The following XIRP2 variants were observed in gnomAD, a reference collection of about 807,000 sequenced individuals.
XIRP2 encodes the protein xin actin binding repeat containing 2, also known as xin actin-binding repeat-containing protein 2.
In XIRP2, 236 loss-of-function variants were observed where a neutral mutation model predicts 277.0. The observed-to-expected ratio is 0.85, with a 90% confidence interval of 0.77 to 0.95. The LOEUF (loss-of-function observed/expected upper bound fraction) is 0.95, where lower values mean the gene tolerates loss of function less well. XIRP2 is among the 40% of genes least tolerant of loss of function. The probability of loss-of-function intolerance (pLI) is 0.00; values close to 1 mark genes in which losing one functional copy is unlikely to be tolerated. For missense variants in XIRP2, 4,640 were observed against 4,157.5 expected, an observed-to-expected ratio of 1.12 and a Z score of -3.19; for synonymous variants, 1,490 against 1,416.5, an observed-to-expected ratio of 1.05 and a Z score of -1.17.
intron 3 of XIRP2, among the ~76,000 whole-genome samples, chr2:167,201,245 A>AAGGAGGGAGGGAGG (rs1559018335): frequency 9.6e-6 from 1 of 103,718 alleles, no homozygotes; most frequent in African/African-American, 6.1e-5. Flanking sequence ...AAAGAAAGAA[A>AAGGAGGGAGGGAGG]GAAAGAAAGA....
intron 2 of XIRP2, among the ~76,000 whole-genome samples, chr2:167,044,402 AGCATTG>A (rs926486140): frequency 2.6e-5 from 4 of 152,112 alleles, no homozygotes; most frequent in African/African-American, 9.7e-5. Context: ...TATTAAACAT[AGCATTG>A]GCAGTCCTCA....
At chr2:167,195,713 G>T (rs1367447038) in intron 3 of XIRP2, among the ~76,000 whole-genome samples, 1 of 152,166 alleles carries the variant, frequency 6.6e-6, no homozygotes, top group East Asian at 1.9e-4. Flanking sequence ...GTGAAATGGC[G>T]CAATGCACCA....
At chr2:167,140,082 C>T (rs1176630560) in intron 3 of XIRP2, among the ~76,000 whole-genome samples, 2 of 152,106 alleles carry the variant, frequency 1.3e-5, no homozygotes, top group East Asian at 3.9e-4. Context: ...AGGCAAATAG[C>T]AATAATTCAC....
chr2:167,186,163 C>G (rs1471102010), intron 3 of XIRP2, among the ~76,000 whole-genome samples: 2 of 152,132 alleles, frequency 1.3e-5, no homozygotes, highest in Non-Finnish European at 2.9e-5. Context: ...TGCTTAATAG[C>G]TATCATACTC....
rs372322437 is a variant in XIRP2, at chr2:167,247,822, C to A, written c.6430C>A (p.Pro2144Thr). 2.7e-5 allele frequency: 43 copies of A among 1,613,326 alleles called. No individual in the cohort carries two copies. The South Asian group carries it at 2.7e-4, about 10-fold the overall frequency. The change falls in exon 9 of 11, where the codon CCT becomes ACT. Residue 2144 changes from proline (P) to threonine (T), a missense_variant. Transcript: ENST00000409195. ...AATGGAGGGTTTTCATATAAAGAGT[C>A]CTAAAAAGACCAAAAATATTAAAAT... ...QKMEGFHIKS[P>T]KKTKNIKILT...
intron 2 of XIRP2, among the ~76,000 whole-genome samples, chr2:167,040,481 C>T (rs965593294): frequency 1.3e-5 from 2 of 152,068 alleles, no homozygotes; most frequent in African/African-American, 4.8e-5. Context: ...GCAGGAGACC[C>T]CACAATGCCC....
At position 167,259,631 on chromosome 2, in the gene XIRP2, T is replaced by C. The variant is rs563654308; in HGVS notation, c.*1814T>C. On this transcript the variant is annotated 3_prime_UTR_variant, in exon 11 of 11. Coordinates refer to ENST00000409195, the MANE Select transcript of XIRP2 (RefSeq NM_152381.6). ...ATTCAAATGGCACTTTAGCATATTGTTCTGTTTTCCTGTAAAACATCATGG... is the reference window on the plus strand; with the variant it reads ...ATTCAAATGGCACTTTAGCATATTGCTCTGTTTTCCTGTAAAACATCATGG... The C allele has an allele frequency of 9.1e-5, 30 of 330,394 alleles. No homozygotes were observed. The highest frequency in any genetic ancestry group is 1.6e-4 in the Non-Finnish European group (27 of 173,682). 20.5% of individuals were successfully genotyped at this position (330,394 alleles called of 1,614,324 possible). A position where few individuals can be genotyped will look rare whatever the true frequency, so the allele number is the denominator to read the frequency against.
At chr2:167,096,757 T>C (rs1690329754) in intron 2 of XIRP2, among the ~76,000 whole-genome samples, 2 of 152,342 alleles carry the variant, frequency 1.3e-5, no homozygotes, top group South Asian at 4.1e-4. Context: ...TTTGTTATCA[T>C]TGATTTCAAA....
At chr2:167,005,811 C>T (rs1330498091) in intron 2 of XIRP2, among the ~76,000 whole-genome samples, 1 of 151,304 alleles carries the variant, frequency 6.6e-6, no homozygotes, top group African/African-American at 2.4e-5. Context: ...AATTACACAA[C>T]TGGCTGTTTG....
At chr2:167,084,083 T>C (rs868472460) in intron 2 of XIRP2, among the ~76,000 whole-genome samples, 19 of 152,284 alleles carry the variant, frequency 1.2e-4, no homozygotes, top group South Asian at 6.2e-4. Flanking sequence ...GGGTTTGTCA[T>C]AGATAGATCT....
At chr2:167,009,214 TC>T (rs964960454) in intron 2 of XIRP2, among the ~76,000 whole-genome samples, 1 of 69,766 alleles carries the variant, frequency 1.4e-5, no homozygotes, top group Non-Finnish European at 2.6e-5. Flanking sequence ...CCCTCCCCCC[TC>T]CCCCCACCCC....
At chr2:166,929,048 T>G (rs1321812952) in intron 2 of XIRP2, among the ~76,000 whole-genome samples, 1 of 152,054 alleles carries the variant, frequency 6.6e-6, no homozygotes, top group Admixed American at 6.6e-5. Context: ...TCGCTGATAC[T>G]CAAAGACTGA....
At chr2:167,191,353 A>C (rs944522559) in intron 3 of XIRP2, among the ~76,000 whole-genome samples, 1 of 152,188 alleles carries the variant, frequency 6.6e-6, no homozygotes, top group Non-Finnish European at 1.5e-5. Context: ...TGGTTTAAGC[A>C]CAGAGAACTA....
At chr2:166,999,569 C>T (rs1411013197) in intron 2 of XIRP2, among the ~76,000 whole-genome samples, 1 of 152,072 alleles carries the variant, frequency 6.6e-6, no homozygotes, top group Non-Finnish European at 1.5e-5. Context: ...ATGGTCAAGT[C>T]AGTATACATT....
chr2:166,959,109 G>A (rs543005641), intron 2 of XIRP2, among the ~76,000 whole-genome samples: 1 of 151,750 alleles, frequency 6.6e-6, no homozygotes, highest in Admixed American at 6.6e-5. Flanking sequence ...CTATGTACTC[G>A]AGAGAATGTA....
At chr2:167,208,686 C>T (rs1573959768) in intron 3 of XIRP2, among the ~76,000 whole-genome samples, 1 of 151,966 alleles carries the variant, frequency 6.6e-6, no homozygotes, top group African/African-American at 2.4e-5. Context: ...TAATATTGGG[C>T]ATTTTGTCAT....
At chr2:167,045,286 A>C (rs926811362) in intron 2 of XIRP2, among the ~76,000 whole-genome samples, 11 of 151,118 alleles carry the variant, frequency 7.3e-5, no homozygotes, top group African/African-American at 2.7e-4. Flanking sequence ...TAAAACCTAA[A>C]ACTATAAAAA....
At chr2:167,060,798 G>T (rs979073724) in intron 2 of XIRP2, among the ~76,000 whole-genome samples, 2 of 152,068 alleles carry the variant, frequency 1.3e-5, no homozygotes, top group East Asian at 1.9e-4. Flanking sequence ...TTCAGATAGG[G>T]TAAGTCATTC....
rs537307205 is a variant in XIRP2 at position 166,912,866 on chromosome 2, G to T, written c.408+8976G>T. On this transcript the variant is annotated intron_variant, in intron 2 of 10. Coordinates refer to ENST00000409195, the MANE Select transcript of XIRP2 (RefSeq NM_152381.6). ...GCAGGTCTGTTGGAGTTTGCTGGAG[G>T]TCCACTCGAGACCGTTTCCCTGGGT... is the stretch of plus-strand genomic sequence containing the variant. Among the ~76,000 whole-genome samples, 98 of 83,826 alleles carry T rather than the reference G, an allele frequency of 1.2e-3. 3 individuals are homozygous for T. The highest frequency in any genetic ancestry group is 9.5e-3 in the African/African-American group (92 of 9,698). 55.0% of individuals were successfully genotyped at this position (83,826 alleles called of 152,430 possible).
Sources: allele counts gnomAD v4.1 joint callset (sites outside exome capture counted in the v4.1 genomes callset), GRCh38; gene constraint gnomAD v4.1.1; transcripts MANE v1.5; gene names NCBI Gene and HGNC (gene_info 2026-07-23, HGNC 2026-07-21).